Variants in ITGAE observed in about 807,000 individuals in gnomAD.
ITGAE encodes the protein integrin subunit alpha E.
Under a neutral mutation model 136.5 loss-of-function variants are expected in ITGAE, and 99 were observed. That is an observed-to-expected ratio of 0.73 (90% CI 0.62 to 0.86). The LOEUF (loss-of-function observed/expected upper bound fraction) is 0.86, where lower values mean the gene tolerates loss of function less well. Among genes scored for constraint, ITGAE ranks in the 40% least tolerant of loss-of-function variants. The probability of loss-of-function intolerance (pLI) is 0.00; values close to 1 mark genes in which losing one functional copy is unlikely to be tolerated. For synonymous variants in ITGAE, 613 were observed against 591.8 expected, an observed-to-expected ratio of 1.04 and a Z score of -0.52; for missense variants, 1,447 against 1,515.3, an observed-to-expected ratio of 0.95 and a Z score of 0.75.
intron 6 of ITGAE, 44 bp downstream of exon 6, chr17:3,760,969 T>C (rs776757731): frequency 1.3e-6 from 2 of 1,566,568 alleles, no homozygotes; most frequent in Non-Finnish European, 8.6e-7. Flanking sequence ...GCCTAGGAAT[T>C]GGCTCTGATA....
At chr17:3,729,671 T>C in intron 23 of ITGAE, 116 bp from the exon 24 acceptor site, 1 of 742,372 alleles carries the variant, frequency 1.3e-6, no homozygotes, top group Non-Finnish European at 2.5e-6. Flanking sequence ...CTCAGCTCAC[T>C]GCAACCTCCG....
At position 3,779,333 on chromosome 17, in the gene ITGAE, CTT is replaced by C. The variant is rs5818916; in HGVS notation, c.35-1675_35-1674del. 9.9e-4 allele frequency among the ~76,000 whole-genome samples: 146 copies of C among 147,210 alleles called. 2 individuals carry two copies. The South Asian group carries it at 0.015, about 15-fold the overall frequency. ...GTCAGCAATTTATTTTTATTAATTTCTTTTTTTTTTTTGAGATGGGGTCTTGC... is the reference window on the plus strand; with the variant it reads ...GTCAGCAATTTATTTTTATTAATTTCTTTTTTTTTTGAGATGGGGTCTTGC... On this transcript the variant is annotated intron_variant, in intron 1 of 30. Coordinates refer to ENST00000263087, the MANE Select transcript of ITGAE (RefSeq NM_002208.5).
rs193254607 is a variant in ITGAE at position 3,718,813 on chromosome 17, C to A, written c.3333+1494G>T. ...CAATTATTTTTCATTTGGTACCATT[C>A]TCTGTATGGCTTGGATTTTCTTGCT... On this transcript the variant is annotated intron_variant, in intron 29 of 30. Transcript: ENST00000263087. Among the ~76,000 whole-genome samples, 540 of 152,300 alleles carry A rather than the reference C, an allele frequency of 3.5e-3. 1 individual carries two copies. The highest frequency in any genetic ancestry group is 5.7e-3 in the Non-Finnish European group (391 of 68,030).
At position 3,714,888 on chromosome 17, in the gene ITGAE, C is replaced by G; in HGVS notation, c.3499G>C (p.Ala1167Pro). 1.9e-6 allele frequency: 3 copies of G among 1,611,620 alleles called. No individual in the cohort carries two copies. The East Asian group carries it at 6.7e-5, about 36-fold the overall frequency. ...QQLNLESIRK[A>P]QLKSENLLEE... Reference sequence around the variant, plus strand: ...AGCAGATTCTCTGATTTCAGCTGGGCCTTCCTGATGCTCTCCAAGTTCAGT... The same window carrying G: ...AGCAGATTCTCTGATTTCAGCTGGGGCTTCCTGATGCTCTCCAAGTTCAGT... The change falls in exon 31 of 31, where the codon GCC (alanine) becomes CCC (proline). Residue 1167 changes from alanine to proline, a missense_variant. Coordinates refer to ENST00000263087, the MANE Select transcript of ITGAE (RefSeq NM_002208.5).
At chr17:3,756,591 A>C (rs1323259877) in intron 10 of ITGAE, among the ~76,000 whole-genome samples, 2 of 151,792 alleles carry the variant, frequency 1.3e-5, no homozygotes, top group Non-Finnish European at 2.9e-5. Flanking sequence ...TTTTAGTAGA[A>C]ACAGGATTTC....
chr17:3,763,306 G>GTTCA (rs55992020), intron 3 of ITGAE, among the ~76,000 whole-genome samples: 10,306 of 150,596 alleles, frequency 0.068, 405 homozygotes, highest in Middle Eastern at 0.082. Flanking sequence ...AGTGAATCAG[G>GTTCA]TTCATTCATT....
chr17:3,789,586 T>C (rs920828162), intron 1 of ITGAE, among the ~76,000 whole-genome samples: 7 of 151,888 alleles, frequency 4.6e-5, no homozygotes, highest in East Asian at 1.9e-4. Context: ...CTGCAACCTC[T>C]GCCTCCCAGG....
At chr17:3,778,588 T>C (rs1226030087) in intron 1 of ITGAE, among the ~76,000 whole-genome samples, 2 of 152,172 alleles carry the variant, frequency 1.3e-5, no homozygotes, top group East Asian at 1.9e-4. Context: ...AATATCATTA[T>C]GCTGAGTGAC....
chr17:3,715,689 C>T (rs928213124), intron 30 of ITGAE, among the ~76,000 whole-genome samples: 1 of 151,926 alleles, frequency 6.6e-6, no homozygotes, highest in African/African-American at 2.4e-5. Context: ...CTCATCTCCA[C>T]AAAATTAAAA....
chr17:3,747,728 C>A (rs1317309785), intron 17 of ITGAE, among the ~76,000 whole-genome samples, 194 bp downstream of exon 17: 2 of 152,076 alleles, frequency 1.3e-5, no homozygotes, highest in African/African-American at 4.8e-5. Context: ...CTCAGACCAC[C>A]CTTTCTTGAG....
chr17:3,754,243 G>C (rs1427879122), intron 12 of ITGAE, among the ~76,000 whole-genome samples: 4 of 152,038 alleles, frequency 2.6e-5, no homozygotes, highest in African/African-American at 9.7e-5. Flanking sequence ...GGGGTGAGAG[G>C]ACGCCCACCA....
chr17:3,783,911 C>G (rs2052719591), intron 1 of ITGAE, among the ~76,000 whole-genome samples: 1 of 152,134 alleles, frequency 6.6e-6, no homozygotes, highest in Non-Finnish European at 1.5e-5. Flanking sequence ...AAATACAAAA[C>G]ACTACAATGA....
chr17:3,790,632 A>G (rs1007541470), intron 1 of ITGAE, among the ~76,000 whole-genome samples: 13 of 152,204 alleles, frequency 8.5e-5, no homozygotes, highest in Non-Finnish European at 1.5e-5. Flanking sequence ...TTAAACTTCC[A>G]GTTTTCAGGC....
rs2051705770 is a variant in ITGAE at position 3,746,046 on chromosome 17, C to T, written c.2156-119G>A. 12 of 869,192 alleles carry T rather than the reference C, an allele frequency of 1.4e-5. No homozygotes were observed. In the South Asian group the frequency reaches 2.0e-4, roughly 15 times the overall value. The allele number at this position is 869,192 out of a possible 1,614,324, so 53.8% of individuals were successfully genotyped here. A position where few individuals can be genotyped will look rare whatever the true frequency, so the allele number is the denominator to read the frequency against. ...CCTGAACAGTGTCCCCATGCAGGTA[C>T]TTCCCTGCGGCTGGACTCCTGCGTC... On this transcript the variant is annotated intron_variant, in intron 17 of 30. Transcript: ENST00000263087.
Position 3,753,443 on chromosome 17 carries a change from A to G in ITGAE, c.1528-13T>C. On this transcript the variant is annotated splice_polypyrimidine_tract_variant and intron_variant, in intron 13 of 30. Transcript: ENST00000263087. ...AATAGGACCCCATCTACAGCCCGGG[A>G]GGAACTCAGCTCACCAGGAGCCCCG... 1 of 1,611,712 alleles carries G rather than the reference A, an allele frequency of 6.2e-7. No individual in the cohort carries two copies. The highest frequency in any genetic ancestry group is 1.3e-5 in the African/African-American group (1 of 74,988).
chr17:3,750,576 C>G, intron 15 of ITGAE, 94 bp from the exon 16 acceptor site: 1 of 1,448,468 alleles, frequency 6.9e-7, no homozygotes, highest in Non-Finnish European at 9.4e-7. Context: ...GCATCGCAGG[C>G]ACCATCCAGC....
At chr17:3,776,198 C>T (rs377653978) in intron 2 of ITGAE, among the ~76,000 whole-genome samples, 10 of 151,818 alleles carry the variant, frequency 6.6e-5, no homozygotes, top group South Asian at 2.1e-4. Context: ...GCTGGGACTA[C>T]GCGCGTGTAC....
At position 3,783,435 on chromosome 17, in the gene ITGAE, C is replaced by T. The variant is rs531575515; in HGVS notation, c.35-5775G>A. Among the ~76,000 whole-genome samples the T allele has an allele frequency of 2.2e-4, 34 of 152,334 alleles. 1 individual carries two copies. The South Asian group carries it at 4.8e-3, about 21-fold the overall frequency. On this transcript the variant is annotated intron_variant, in intron 1 of 30. Transcript: ENST00000263087. ...CTGGGATTACAGGCGTGAGCCACCG[C>T]GCCTAGCCCCCACTGTCAAATCTTG...
chr17:3,739,175 G>A (rs998349442), intron 20 of ITGAE, among the ~76,000 whole-genome samples: 2 of 152,012 alleles, frequency 1.3e-5, no homozygotes, highest in Admixed American at 1.3e-4. Flanking sequence ...CTCCTCCAGT[G>A]TGTGCCAAAG....
Sources: gnomAD v4.1 joint callset for allele counts (sites outside exome capture counted in the v4.1 genomes callset) on GRCh38, gnomAD v4.1.1 for gene constraint, MANE v1.5 for transcripts, NCBI Gene and HGNC (gene_info 2026-07-23, HGNC 2026-07-21) for gene names.